The following CCDC191 variants were observed in gnomAD, a reference collection of about 807,000 sequenced individuals.
CCDC191 encodes coiled-coil domain-containing protein 191.
Under a neutral mutation model 114.0 loss-of-function variants are expected in CCDC191, and 99 were observed. That is an observed-to-expected ratio of 0.87 (90% CI 0.74 to 1.03). CCDC191 has a LOEUF of 1.03. Among genes scored for constraint, CCDC191 ranks in the 50% least tolerant of loss-of-function variants. The pLI is 0.00. For missense variants in CCDC191, 973 were observed against 1,087.0 expected (o/e 0.90, Z 1.47); for synonymous variants, 351 against 376.0 (o/e 0.93, Z 0.77).
intron 14 of CCDC191, 28 bp from the exon 15 acceptor site, chr3:113,979,038 T>C: frequency 6.2e-7 from 1 of 1,600,076 alleles, no homozygotes; most frequent in Non-Finnish European, 8.6e-7. Flanking sequence ...TGAGAAATAT[T>C]ATTCCTTAAA....
At chr3:113,967,929 A>G (rs1352028860) in intron 16 of CCDC191, among the ~76,000 whole-genome samples, 4 of 151,556 alleles carry the variant, frequency 2.6e-5, no homozygotes. Flanking sequence ...TAACACAGTG[A>G]CCTCCAGTTC....
chr3:114,035,252 T>C (rs2076467221), intron 5 of CCDC191, 104 bp from the exon 6 acceptor site: 3 of 774,240 alleles, frequency 3.9e-6, no homozygotes, highest in East Asian at 2.6e-5. Context: ...CAGTTTGAAA[T>C]ATGCTGGCCC....
Position 114,000,243 on chromosome 3 carries a change from G to A in CCDC191, c.2163+1352C>T, listed in dbSNP as rs538912989. On this transcript the variant is annotated intron_variant, in intron 13 of 16. Transcript: ENST00000295878. ...TGGTGGGCATCATCCAATCTGCTGA[G>A]AGCCTGAATAGAACTTTCAAAAAGG... is the stretch of plus-strand genomic sequence containing the variant. Among the ~76,000 whole-genome samples, 4 of 151,130 alleles carry A rather than the reference G, an allele frequency of 2.6e-5. No homozygotes were observed. The South Asian group carries it at 8.4e-4, about 32-fold the overall frequency.
intron 13 of CCDC191, among the ~76,000 whole-genome samples, chr3:113,989,273 C>CGTAA (rs2075477003): frequency 6.6e-6 from 1 of 152,086 alleles, no homozygotes; most frequent in Non-Finnish European, 1.5e-5. Context: ...ATATAGATAC[C>CGTAA]GTAAGACACA....
intron 16 of CCDC191, 124 bp downstream of exon 16, chr3:113,978,061 CT>C (rs1041425012): frequency 4.3e-5 from 45 of 1,038,562 alleles, no homozygotes; most frequent in Non-Finnish European, 5.4e-5. Flanking sequence ...ACTCCCACCC[CT>C]GACTGGTGTT....
At chr3:114,040,524 A>G (rs1243846373) in intron 4 of CCDC191, among the ~76,000 whole-genome samples, 1 of 152,014 alleles carries the variant, frequency 6.6e-6, no homozygotes, top group Non-Finnish European at 1.5e-5. Context: ...TTTTTCTTTA[A>G]AAGTCTATTT....
chr3:114,050,697 G>A (rs1314086976), intron 2 of CCDC191, among the ~76,000 whole-genome samples: 1 of 152,192 alleles, frequency 6.6e-6, no homozygotes, highest in Non-Finnish European at 1.5e-5. Flanking sequence ...TCAGTATAGG[G>A]ACTGCTACAG....
intron 16 of CCDC191, among the ~76,000 whole-genome samples, chr3:113,976,790 C>CT (rs1303479632): frequency 3.9e-5 from 6 of 152,096 alleles, no homozygotes; most frequent in Non-Finnish European, 7.4e-5. Flanking sequence ...AACAGGGAGG[C>CT]TTTGAAAGGT....
chr3:113,968,457 C>T (rs1485708891), intron 16 of CCDC191, among the ~76,000 whole-genome samples: 1 of 151,648 alleles, frequency 6.6e-6, no homozygotes, highest in African/African-American at 2.4e-5. Context: ...AGATCTTCCC[C>T]CCCCTTTTTT....
intron 8 of CCDC191, among the ~76,000 whole-genome samples, chr3:114,011,442 G>A (rs1305724646): frequency 6.6e-6 from 1 of 152,140 alleles, no homozygotes; most frequent in Non-Finnish European, 1.5e-5. Context: ...GAAAGAGAAA[G>A]CAACAAAATT....
At chr3:113,988,583 G>A (rs1048216945) in intron 13 of CCDC191, among the ~76,000 whole-genome samples, 22 of 130,310 alleles carry the variant, frequency 1.7e-4, no homozygotes, top group East Asian at 2.3e-4. Flanking sequence ...CAGAGATCAC[G>A]CCACTGCACT....
In CCDC191 at chr3:113,965,067, G is replaced by GTGTA. The variant is rs919408085; in HGVS notation, c.*84_*87dup. The stretch of plus-strand genomic sequence containing the variant: ...AAGTAGCTCGTAGAGAATAAACCAG[G>GTGTA]TGTATGTATGTATGTGTGTGGGTGG... On this transcript the variant is annotated 3_prime_UTR_variant, in exon 17 of 17. Coordinates refer to ENST00000295878, the MANE Select transcript of CCDC191 (RefSeq NM_020817.2). 5 of 664,118 alleles carry GTGTA rather than the reference G, an allele frequency of 7.5e-6. No homozygotes were observed. The highest frequency in any genetic ancestry group is 3.1e-5 in the South Asian group (1 of 32,560). 41.1% of individuals were successfully genotyped at this position (664,118 alleles called of 1,614,324 possible).
intron 16 of CCDC191, among the ~76,000 whole-genome samples, chr3:113,977,414 G>A (rs1046073901): frequency 6.6e-6 from 1 of 152,146 alleles, no homozygotes; most frequent in African/African-American, 2.4e-5. Flanking sequence ...AAAGGGAAGT[G>A]CATAATGAAA....
upstream of CCDC191, chr3:114,056,545 G>C: frequency 6.2e-7 from 1 of 1,609,234 alleles, no homozygotes; most frequent in Non-Finnish European, 8.5e-7. Flanking sequence ...GTCACGCTGG[G>C]AATTGTAGTT....
intron 11 of CCDC191, chr3:114,004,372 A>G: frequency 9.7e-7 from 1 of 1,026,392 alleles, no homozygotes; most frequent in South Asian, 4.3e-5. Flanking sequence ...CTCAAATTAC[A>G]GAAAAATGAT....
intron 16 of CCDC191, among the ~76,000 whole-genome samples, chr3:113,974,785 G>C (rs891846042): frequency 9.2e-5 from 14 of 151,928 alleles, no homozygotes; most frequent in Admixed American, 9.2e-4. Context: ...CCTGCTATGT[G>C]GCTGCCTCCT....
intron 13 of CCDC191, among the ~76,000 whole-genome samples, chr3:113,981,980 A>G (rs2075168755): frequency 1.3e-5 from 2 of 152,228 alleles, no homozygotes; most frequent in Admixed American, 6.5e-5. Flanking sequence ...GTGGGGAGGA[A>G]AACAGAAACT....
chr3:114,020,029 G>A (rs916424977), intron 7 of CCDC191, among the ~76,000 whole-genome samples: 1 of 152,154 alleles, frequency 6.6e-6, no homozygotes, highest in African/African-American at 2.4e-5. Flanking sequence ...AGTGTGGGGA[G>A]CATTAAAACA....
chr3:113,969,126 T>C (rs1381005051), intron 16 of CCDC191, among the ~76,000 whole-genome samples: 1 of 152,174 alleles, frequency 6.6e-6, no homozygotes. Flanking sequence ...ATGCACTCAT[T>C]TACAGAGGAT....
Sources: allele counts gnomAD v4.1 joint callset (sites outside exome capture counted in the v4.1 genomes callset), GRCh38; gene constraint gnomAD v4.1.1; transcripts MANE v1.5; gene names NCBI Gene and HGNC (gene_info 2026-07-23, HGNC 2026-07-21).